AUTS2: variants seen among roughly 807,000 people sequenced by gnomAD.
AUTS2 encodes the protein autism susceptibility gene 2 protein.
Under a neutral mutation model 112.4 loss-of-function variants are expected in AUTS2, and 17 were observed. That is an observed-to-expected ratio of 0.15 (90% CI 0.10 to 0.23). AUTS2 has a LOEUF of 0.23. Ranked by LOEUF, AUTS2 falls within the 10% of genes least tolerant of loss-of-function variation. AUTS2 has a pLI of 1.00. For synonymous variants in AUTS2, 751 were observed against 702.7 expected (o/e 1.07, Z -1.09); for missense variants, 1,510 against 1,701.6 (o/e 0.89, Z 1.98).
At chr7:70,580,660 C>T (rs1251970290) in intron 5 of AUTS2, among the ~76,000 whole-genome samples, 1 of 152,066 alleles carries the variant, frequency 6.6e-6, no homozygotes, top group African/African-American at 2.4e-5. Flanking sequence ...CTTGGGTGTG[C>T]AGGGAGAGTC....
At chr7:70,210,108 T>G (rs979197902) in intron 4 of AUTS2, among the ~76,000 whole-genome samples, 3 of 152,154 alleles carry the variant, frequency 2.0e-5, no homozygotes, top group African/African-American at 4.8e-5. Flanking sequence ...TTTATAGTCA[T>G]TTGCTGGGGA....
chr7:70,738,255 C>G (rs957841864), intron 6 of AUTS2, among the ~76,000 whole-genome samples: 1 of 152,124 alleles, frequency 6.6e-6, no homozygotes, highest in African/African-American at 2.4e-5. Context: ...GCGGTTTTCT[C>G]CTGGTGCTAG....
At chr7:70,675,477 C>T (rs948256238) in intron 5 of AUTS2, among the ~76,000 whole-genome samples, 26 of 152,180 alleles carry the variant, frequency 1.7e-4, no homozygotes, top group African/African-American at 5.8e-4. Flanking sequence ...GCCTGGGCGA[C>T]AGAGCAAGAC....
At chr7:69,799,920 A>T (rs1452903687) in intron 1 of AUTS2, among the ~76,000 whole-genome samples, 4 of 152,150 alleles carry the variant, frequency 2.6e-5, no homozygotes, top group Non-Finnish European at 5.9e-5. Flanking sequence ...CTATCTAAAA[A>T]ATTCCCTATA....
At chr7:70,619,001 C>T (rs1300619063) in intron 5 of AUTS2, among the ~76,000 whole-genome samples, 10 of 152,060 alleles carry the variant, frequency 6.6e-5, no homozygotes, top group South Asian at 2.1e-4. Context: ...ACACACCATA[C>T]GTATGTGCCT....
At chr7:69,774,097 A>G (rs1033344635) in intron 1 of AUTS2, among the ~76,000 whole-genome samples, 4 of 152,210 alleles carry the variant, frequency 2.6e-5, no homozygotes, top group African/African-American at 9.7e-5. Flanking sequence ...CTACATGTCA[A>G]CAGGGGTACT....
chr7:69,676,821 C>CT (rs11295807), intron 1 of AUTS2, among the ~76,000 whole-genome samples: 2,115 of 147,848 alleles, frequency 0.014, 26 homozygotes, highest in Middle Eastern at 0.038. Context: ...TTTCTTTTTT[C>CT]TTTTTTTTTT....
At chr7:70,341,595 G>C (rs909201469) in intron 4 of AUTS2, among the ~76,000 whole-genome samples, 1 of 152,210 alleles carries the variant, frequency 6.6e-6, no homozygotes, top group African/African-American at 2.4e-5. Context: ...TTAGGACCCA[G>C]CTCTCATTAG....
At chr7:70,727,836 T>A (rs1787126649) in intron 6 of AUTS2, among the ~76,000 whole-genome samples, 1 of 152,148 alleles carries the variant, frequency 6.6e-6, no homozygotes, top group Non-Finnish European at 1.5e-5. Context: ...TTAGTGACAA[T>A]GTGGAAATGA....
chr7:70,383,974 C>T (rs1793492815), intron 4 of AUTS2, among the ~76,000 whole-genome samples: 1 of 152,252 alleles, frequency 6.6e-6, no homozygotes, highest in African/African-American at 2.4e-5. Flanking sequence ...AGCCAACTTC[C>T]AGCCACTTGC....
chr7:69,664,935 C>A (rs1265255567), intron 1 of AUTS2, among the ~76,000 whole-genome samples: 1 of 152,120 alleles, frequency 6.6e-6, no homozygotes, highest in Non-Finnish European at 1.5e-5. Flanking sequence ...GATATAGGTA[C>A]AAATGTTAGT....
chr7:70,287,690 A>G (rs1420984543), intron 4 of AUTS2, among the ~76,000 whole-genome samples: 1 of 152,072 alleles, frequency 6.6e-6, no homozygotes, highest in Non-Finnish European at 1.5e-5. Context: ...TCAGTTGTGC[A>G]TTTATTATGT....
intron 4 of AUTS2, chr7:70,290,275 C>T: frequency 8.1e-7 from 1 of 1,231,094 alleles, no homozygotes; most frequent in South Asian, 2.2e-5. Flanking sequence ...AACAAATTAC[C>T]AATGATGTAA....
At chr7:69,776,595 A>G (rs1328500981) in intron 1 of AUTS2, among the ~76,000 whole-genome samples, 3 of 152,028 alleles carry the variant, frequency 2.0e-5, no homozygotes, top group East Asian at 1.9e-4. Context: ...AAATAAAAAT[A>G]TTTTGTAGAA....
chr7:70,778,986 T>A (rs988804304), intron 14 of AUTS2, among the ~76,000 whole-genome samples: 2 of 152,182 alleles, frequency 1.3e-5, no homozygotes, highest in Admixed American at 1.3e-4. Flanking sequence ...CCAATTCAAT[T>A]AGAAAGACCT....
At chr7:69,719,950 A>G (rs1798831816) in intron 1 of AUTS2, among the ~76,000 whole-genome samples, 1 of 152,138 alleles carries the variant, frequency 6.6e-6, no homozygotes, top group South Asian at 2.1e-4. Context: ...AAAAAAAATC[A>G]CTTTATTCTT....
intron 3 of AUTS2, among the ~76,000 whole-genome samples, chr7:70,124,247 G>A (rs1045007816): frequency 1.3e-5 from 2 of 152,106 alleles, no homozygotes; most frequent in African/African-American, 2.4e-5. Flanking sequence ...ATAGATGCTC[G>A]ATATTAGACC....
chr7:70,675,416 A>C (rs1329936982), intron 5 of AUTS2, among the ~76,000 whole-genome samples: 1 of 152,160 alleles, frequency 6.6e-6, no homozygotes, highest in Non-Finnish European at 1.5e-5. Flanking sequence ...TTGCTTGATG[A>C]GCCCAGGAGG....
In AUTS2 at chr7:69,687,202, A is replaced by T. The variant is rs192916056; in HGVS notation, c.309+87240A>T. ...ATGAGATTAAACAGACAATTTTCAA[A>T]AAGTCAAATTTCTAATGATAAAATT... On this transcript the variant is annotated intron_variant, in intron 1 of 18. Transcript: ENST00000342771. Among the ~76,000 whole-genome samples, 135 of 152,362 alleles carry T rather than the reference A, an allele frequency of 8.9e-4. 1 individual carries two copies. Among genetic ancestry groups the T allele is most frequent in the Admixed American group, 2.0e-3 (30 of 15,308 alleles).
Sources: gnomAD v4.1 joint callset for allele counts (sites outside exome capture counted in the v4.1 genomes callset) on GRCh38, gnomAD v4.1.1 for gene constraint, MANE v1.5 for transcripts, NCBI Gene and HGNC (gene_info 2026-07-23, HGNC 2026-07-21) for gene names.